PKHD1: variants seen among roughly 807,000 people sequenced by gnomAD.
The protein encoded by PKHD1 is PKHD1 ciliary IPT domain containing fibrocystin/polyductin, also known as fibrocystin.
In PKHD1, 291 loss-of-function variants were observed where a neutral mutation model predicts 412.0. The observed-to-expected ratio is 0.71, with a 90% confidence interval of 0.64 to 0.78. The LOEUF is 0.78. PKHD1 is among the 30% of genes least tolerant of loss of function. The pLI, the probability that PKHD1 is intolerant of heterozygous loss-of-function variation, is 0.00. For synonymous variants in PKHD1, 1,777 were observed against 1,821.5 expected, an observed-to-expected ratio of 0.98 and a Z score of 0.62; for missense variants, 4,825 against 4,950.7, an observed-to-expected ratio of 0.97 and a Z score of 0.76.
intron 52 of PKHD1, among the ~76,000 whole-genome samples, chr6:51,804,358 T>C (rs1483773846): frequency 5.9e-3 from 8 of 1,352 alleles, no homozygotes; most frequent in East Asian, 0.024. Context: ...TACTAATTCA[T>C]TGGGGGGGGG....
intron 52 of PKHD1, among the ~76,000 whole-genome samples, chr6:51,809,363 T>C (rs1326589): frequency 0.57 from 86,039 of 151,704 alleles, 24,769 homozygotes; most frequent in East Asian, 0.78. Context: ...AGTACATTCT[T>C]TTATATCCAT....
chr6:51,976,945 A>T (rs867293940), intron 35 of PKHD1, among the ~76,000 whole-genome samples: 17 of 32,530 alleles, frequency 5.2e-4, no homozygotes, highest in Middle Eastern at 0.017. Context: ...GAGACTCCAT[A>T]AAAAAAAAAA....
At chr6:52,069,410 T>C (rs776869051) in intron 11 of PKHD1, 47 bp downstream of exon 11, 1 of 1,375,924 alleles carries the variant, frequency 7.3e-7, no homozygotes, top group Admixed American at 1.7e-5. Context: ...GGGGCCAACA[T>C]TGAGTGAGGC....
At chr6:51,915,093 G>A (rs936555685) in intron 37 of PKHD1, among the ~76,000 whole-genome samples, 1 of 152,050 alleles carries the variant, frequency 6.6e-6, no homozygotes. Flanking sequence ...AAACAGATGA[G>A]AGAAAAGAAG....
At chr6:51,658,872 T>C (rs1197342568) in intron 61 of PKHD1, 80 bp downstream of exon 61, 7 of 878,548 alleles carry the variant, frequency 8.0e-6, no homozygotes, top group Non-Finnish European at 1.4e-5. Flanking sequence ...TCAGTGTAAG[T>C]AGATTGACAT....
rs372303584 is a variant in PKHD1, at chr6:51,958,099, A to G, written c.5908+1771T>C. Among the ~76,000 whole-genome samples, 32 of 152,118 alleles carry G rather than the reference A, an allele frequency of 2.1e-4. No homozygotes were observed. In the East Asian group the frequency reaches 2.7e-3, roughly 13 times the overall value. ...ATTCTTTCTAGAAGTTATGACCTAT[A>G]TCTCTATGATAAAAACCTCAGCGTT... On this transcript the variant is annotated intron_variant, in intron 36 of 66. Coordinates refer to ENST00000371117, the MANE Select transcript of PKHD1 (RefSeq NM_138694.4).
intron 35 of PKHD1, among the ~76,000 whole-genome samples, chr6:51,998,595 G>A (rs1254932421): frequency 3.3e-5 from 5 of 152,290 alleles, no homozygotes; most frequent in Middle Eastern, 3.4e-3. Flanking sequence ...CTAGAAAGGA[G>A]CTAGAGCTTT....
chr6:51,933,998 A>T (rs901059723), intron 37 of PKHD1, 112 bp downstream of exon 37: 3 of 782,494 alleles, frequency 3.8e-6, no homozygotes, highest in African/African-American at 3.4e-5. Context: ...GCCATGCTCT[A>T]ACTGACCTGG....
chr6:51,723,343 A>G (rs1463160639), intron 60 of PKHD1, among the ~76,000 whole-genome samples: 2 of 152,132 alleles, frequency 1.3e-5, no homozygotes, highest in Admixed American at 1.3e-4. Context: ...CCTTAACACA[A>G]ACAGAGAAAA....
intron 54 of PKHD1, among the ~76,000 whole-genome samples, chr6:51,775,002 T>C (rs1268849878): frequency 2.8e-5 from 4 of 140,380 alleles, no homozygotes; most frequent in Non-Finnish European, 5.0e-5. Flanking sequence ...AGCTTAAATA[T>C]GATAACATAT....
In PKHD1 at chr6:52,032,881, G is replaced by A. The variant is rs1803277296; in HGVS notation, c.3364+149C>T. ...AAAGTAGATATCAGGAGATTGATTC[G>A]ATGATGGCTAAGATGAAAAAAGCAA... On this transcript the variant is annotated intron_variant, in intron 29 of 66. Transcript: ENST00000371117. 24 of 720,270 alleles carry A rather than the reference G, an allele frequency of 3.3e-5. 1 individual carries two copies. In the Admixed American group the frequency reaches 3.8e-4, roughly 12 times the overall value. The allele number at this position is 720,270 out of a possible 1,614,324, so 44.6% of individuals were successfully genotyped here. A position where few individuals can be genotyped will look rare whatever the true frequency, so the allele number is the denominator to read the frequency against.
At chr6:51,765,959 C>T (rs1788922074) in intron 55 of PKHD1, among the ~76,000 whole-genome samples, 1 of 152,202 alleles carries the variant, frequency 6.6e-6, no homozygotes, top group Admixed American at 6.6e-5. Context: ...TGAAATTATG[C>T]TTCAGGGAAG....
intron 35 of PKHD1, among the ~76,000 whole-genome samples, chr6:51,973,575 G>A (rs1262820599): frequency 6.6e-6 from 1 of 152,112 alleles, no homozygotes; most frequent in Non-Finnish European, 1.5e-5. Flanking sequence ...AGACCCTCAT[G>A]AAACAAGACT....
chr6:51,961,169 C>T (rs746439305), intron 35 of PKHD1, among the ~76,000 whole-genome samples: 2 of 151,616 alleles, frequency 1.3e-5, no homozygotes, highest in Non-Finnish European at 2.9e-5. Flanking sequence ...GAAGGGAAGG[C>T]ATGTTTGTAA....
intron 52 of PKHD1, among the ~76,000 whole-genome samples, chr6:51,809,503 A>G (rs1326591): frequency 0.016 from 2,456 of 152,148 alleles, 41 homozygotes; most frequent in Non-Finnish European, 0.025. Flanking sequence ...TGCCAGTTGT[A>G]TATTTGCTTT....
intron 35 of PKHD1, among the ~76,000 whole-genome samples, chr6:52,002,008 G>A (rs754370961): frequency 4.6e-5 from 7 of 152,146 alleles, no homozygotes; most frequent in Non-Finnish European, 7.3e-5. Context: ...GAGACACTGC[G>A]TTAAGTGCAC....
chr6:51,909,336 C>T lies in PKHD1; in HGVS notation c.6629G>A (p.Gly2210Glu). The T allele has an allele frequency of 3.1e-6, 5 of 1,613,542 alleles. No individual in the cohort carries two copies. Among genetic ancestry groups the T allele is most frequent in the Non-Finnish European group, 4.2e-6 (5 of 1,179,632 alleles). Reference sequence around the variant, plus strand: ...GCTCAGATGCTTATGGAAGGCTTGCCCCAAGACTTGAAACTGCACTCCCTT... The same window carrying T: ...GCTCAGATGCTTATGGAAGGCTTGCTCCAAGACTTGAAACTGCACTCCCTT... ...QLKGVQFQVL[G>E]QAFHKHLSSL... Residue 2210 changes from glycine (G) to glutamate (E), a missense_variant, in exon 40 of 67, where the codon GGG becomes GAG. Coordinates refer to ENST00000371117, the MANE Select transcript of PKHD1 (RefSeq NM_138694.4).
In PKHD1 at chr6:51,830,841, T is replaced by C; in HGVS notation, c.8302+20A>G. ...GGGTTCAGCCTGTCTGTGATTCATC[T>C]CTTGGGTAGTTTTACTCACTGGGTA... On this transcript the variant is annotated intron_variant, in intron 52 of 66. Transcript: ENST00000371117. 6.2e-7 allele frequency: 1 copy of C among 1,609,864 alleles called. No homozygotes were observed. Among genetic ancestry groups the C allele is most frequent in the Non-Finnish European group, 8.5e-7 (1 of 1,176,504 alleles).
intron 43 of PKHD1, among the ~76,000 whole-genome samples, chr6:51,893,942 A>G (rs1326239120): frequency 6.6e-6 from 1 of 152,208 alleles, no homozygotes; most frequent in Middle Eastern, 3.2e-3. Flanking sequence ...TCCACGGACT[A>G]TCCTAAACAG....
Sources: gnomAD v4.1 joint callset for allele counts (sites outside exome capture counted in the v4.1 genomes callset) on GRCh38, gnomAD v4.1.1 for gene constraint, MANE v1.5 for transcripts, NCBI Gene and HGNC (gene_info 2026-07-23, HGNC 2026-07-21) for gene names.